PLEKHG2: variants seen among roughly 807,000 people sequenced by gnomAD.
PLEKHG2 encodes the protein pleckstrin homology and RhoGEF domain containing G2.
A neutral mutation model predicts 104.4 loss-of-function variants in PLEKHG2; 71 were observed. That is an observed-to-expected ratio of 0.68 (90% confidence interval 0.56 to 0.83). PLEKHG2 has a LOEUF of 0.83. Among genes scored for constraint, PLEKHG2 ranks in the 40% least tolerant of loss-of-function variants. The pLI is 0.00. For synonymous variants in PLEKHG2, 728 were observed against 737.0 expected (o/e 0.99, Z 0.20); for missense variants, 1,730 against 1,809.4 (o/e 0.96, Z 0.80).
chr19:39,418,842 G>A lies in PLEKHG2; in HGVS notation c.1176+16G>A, dbSNP rs2078651623. The A allele has an allele frequency of 6.2e-7, 1 of 1,602,480 alleles. No homozygotes were observed. Among genetic ancestry groups the A allele is most frequent in the Non-Finnish European group, 8.5e-7 (1 of 1,171,032 alleles). On this transcript the variant is annotated intron_variant, in intron 10 of 18. Transcript: ENST00000425673. The stretch of plus-strand genomic sequence containing the variant: ...CCTGCTCCAGGTGAGCATGTAGTGG[G>A]ATCAGGCTGGCAGGGATCCCCCAGC...
Position 39,423,634 on chromosome 19 carries a change from C to G in PLEKHG2, c.2580C>G (p.Pro860=), listed in dbSNP as rs1420859802. 2 of 1,537,616 alleles carry G rather than the reference C, an allele frequency of 1.3e-6. No homozygotes were observed. Among genetic ancestry groups the G allele is most frequent in the African/African-American group, 2.8e-5 (2 of 72,548 alleles). The part of the protein sequence containing the change: ...LAQPQPSPCL[P]QEQAEPGLLP... Reference sequence around the variant, plus strand: ...AACCCCAGCCATCCCCCTGTCTGCCCCAGGAGCAGGCAGAGCCAGGTGAGG... The same window carrying G: ...AACCCCAGCCATCCCCCTGTCTGCCGCAGGAGCAGGCAGAGCCAGGTGAGG... Residue 860 remains proline (P), a synonymous_variant, in exon 18 of 19, where the codon CCC becomes CCG. Coordinates refer to ENST00000425673, the MANE Select transcript of PLEKHG2 (RefSeq NM_022835.3).
At position 39,425,165 on chromosome 19, in the gene PLEKHG2, C is replaced by T. The variant is rs371467706; in HGVS notation, c.4032C>T (p.Gly1344=). The change falls in exon 19 of 19, where the codon GGC becomes GGT. Residue 1344 remains glycine (G), a synonymous_variant. Coordinates refer to ENST00000425673, the MANE Select transcript of PLEKHG2 (RefSeq NM_022835.3). Reference sequence around the variant, plus strand: ...CCACGACGGTTAACATCCACGTGGGCGGGGGTGGGCGGCTGCGGCCAGCCA... The same window carrying T: ...CCACGACGGTTAACATCCACGTGGGTGGGGGTGGGCGGCTGCGGCCAGCCA... ...SYATTVNIHV[G]GGGRLRPAKA... 113 of 1,598,218 alleles carry T rather than the reference C, an allele frequency of 7.1e-5. No homozygotes were observed. Among genetic ancestry groups the T allele is most frequent in the South Asian group, 1.9e-4 (17 of 89,086 alleles).
intron 11 of PLEKHG2, among the ~76,000 whole-genome samples, chr19:39,419,215 T>C (rs2078658142): frequency 6.6e-6 from 1 of 152,214 alleles, no homozygotes; most frequent in Non-Finnish European, 1.5e-5. Context: ...GAGCCTTAAC[T>C]TCCTCACCTA....
intron 16 of PLEKHG2, 39 bp from the exon 17 acceptor site, chr19:39,422,076 G>T: frequency 1.9e-6 from 3 of 1,577,968 alleles, no homozygotes; most frequent in Non-Finnish European, 2.6e-6. Flanking sequence ...TGAGGGAGGA[G>T]TCTTGGCTCT....
Position 39,418,970 on chromosome 19 carries a change from C to G in PLEKHG2, c.1230C>G (p.Phe410Leu). 1 of 1,613,278 alleles carries G rather than the reference C, an allele frequency of 6.2e-7. No homozygotes were observed. Among genetic ancestry groups the G allele is most frequent in the East Asian group, 2.2e-5 (1 of 44,866 alleles). Residue 410 changes from phenylalanine to leucine, a missense_variant, in exon 11 of 19, where the codon TTC becomes TTG. Transcript: ENST00000425673. ...RLWIHCLQRL[F>L]FENHPASIPA... ...GGATTCACTGTCTCCAGCGCCTCTT[C>G]TTTGAGAACCACCCTGCCTCCATCC...
rs149499627 is a variant in PLEKHG2, at chr19:39,422,776, G to T, written c.1722G>T (p.Val574=). ...CCAAGTTCCCCGGAGACTCCCAGGT[G>T]CCTGGCGACAGCGAAACCCTCACAT... The part of the protein sequence containing the change: ...DIPKFPGDSQ[V]PGDSETLTFQ... The change falls in exon 18 of 19, where the codon GTG becomes GTT. Residue 574 remains valine, a synonymous_variant. Coordinates refer to ENST00000425673, the MANE Select transcript of PLEKHG2 (RefSeq NM_022835.3). 1.0e-3 allele frequency: 1,577 copies of T among 1,526,112 alleles called. 1 individual carries two copies. Among genetic ancestry groups the T allele is most frequent in the Non-Finnish European group, 1.3e-3 (1,498 of 1,139,604 alleles). 94.5% of individuals were successfully genotyped at this position (1,526,112 alleles called of 1,614,324 possible).
Position 39,425,188 on chromosome 19 carries a change from C to T in PLEKHG2, c.4055C>T (p.Ala1352Val). The T allele has an allele frequency of 6.2e-7, 1 of 1,606,256 alleles. No homozygotes were observed. Among genetic ancestry groups the T allele is most frequent in the East Asian group, 2.2e-5 (1 of 44,850 alleles). The part of the protein sequence containing the change: ...HVGGGGRLRP[A>V]KAQVRLNHPA... ...GGCGGGGGTGGGCGGCTGCGGCCAG[C>T]CAAGGCCCAGGTCCGGTTGAACCAC... Residue 1352 changes from alanine to valine, a missense_variant, in exon 19 of 19, where the codon GCC becomes GTC. Coordinates refer to ENST00000425673, the MANE Select transcript of PLEKHG2 (RefSeq NM_022835.3).
intron 11 of PLEKHG2, among the ~76,000 whole-genome samples, chr19:39,420,230 G>A (rs1258399023): frequency 7.3e-5 from 11 of 150,638 alleles, no homozygotes; most frequent in Admixed American, 4.6e-4. Context: ...GTGGTAGCGG[G>A]CACCTGTAAT....
At position 39,417,996 on chromosome 19, in the gene PLEKHG2, G is replaced by C. The variant is rs1252304696; in HGVS notation, c.974G>C (p.Gly325Ala). Reference sequence around the variant, plus strand: ...GAGGGCGCGTTCCGAGGAGGCGGAGGGGGTGGCCCCCGGCTACGAGGGGGT... The same window carrying C: ...GAGGGCGCGTTCCGAGGAGGCGGAGCGGGTGGCCCCCGGCTACGAGGGGGT... ...VLEGAFRGGG[G>A]GGPRLRGGER... Residue 325 changes from glycine to alanine, a missense_variant, in exon 9 of 19, where the codon GGG becomes GCG. Gly to Ala is a moderately conservative substitution (Grantham distance 60). Coordinates refer to ENST00000425673, the MANE Select transcript of PLEKHG2 (RefSeq NM_022835.3). 3 of 1,557,204 alleles carry C rather than the reference G, an allele frequency of 1.9e-6. No individual in the cohort carries two copies. The highest frequency in any genetic ancestry group is 1.7e-6 in the Non-Finnish European group (2 of 1,153,570).
In PLEKHG2 at chr19:39,425,050, G is replaced by A. The variant is rs963679794; in HGVS notation, c.3917G>A (p.Gly1306Asp). ...GGAGGGGCCCCCGCAGCCTCCCGGG[G>A]CTCCTGGTCCTCTGCTCCCACGTCA... is the stretch of plus-strand genomic sequence containing the variant. ...PGGGAPAASR[G>D]SWSSAPTSRA... The change falls in exon 19 of 19, where the codon GGC becomes GAC. Residue 1306 changes from glycine (G) to aspartate (D), a missense_variant. Transcript: ENST00000425673. The A allele has an allele frequency of 3.1e-6, 5 of 1,598,636 alleles. No individual in the cohort carries two copies. Among genetic ancestry groups the A allele is most frequent in the African/African-American group, 2.7e-5 (2 of 74,278 alleles).
chr19:39,419,673 C>A (rs191513735), intron 11 of PLEKHG2, among the ~76,000 whole-genome samples: 1 of 151,412 alleles, frequency 6.6e-6, no homozygotes, highest in African/African-American at 2.4e-5. Flanking sequence ...GTCCGGAGAT[C>A]GAGACCATCC....
Position 39,421,276 on chromosome 19 carries a change from T to C in PLEKHG2, c.1487-7T>C, listed in dbSNP as rs375956932. 13 of 1,613,704 alleles carry C rather than the reference T, an allele frequency of 8.1e-6. No homozygotes were observed. In the African/African-American group the frequency reaches 1.5e-4, roughly 18 times the overall value. ...TGCTTCTCTCTCTCTCATCTCTCCA[T>C]CCTTAGCTAAGCCTGGATTCAAGGT... On this transcript the variant is annotated splice_region_variant and splice_polypyrimidine_tract_variant and intron_variant, in intron 15 of 18. Transcript: ENST00000425673.
chr19:39,420,547 A>G (rs1049716847), intron 11 of PLEKHG2, 79 bp from the exon 12 acceptor site: 1 of 1,589,178 alleles, frequency 6.3e-7, no homozygotes, highest in Non-Finnish European at 8.6e-7. Context: ...ATTAATGGGC[A>G]TGACTACGGT....
chr19:39,417,852 C>A, intron 8 of PLEKHG2, 53 bp from the exon 9 acceptor site: 1 of 1,509,170 alleles, frequency 6.6e-7, no homozygotes, highest in Non-Finnish European at 8.8e-7. Context: ...ATGTGTGTGC[C>A]ACCTACCCAT....
chr19:39,422,428 AGTGCAGTGGC>A (rs1405893450), intron 17 of PLEKHG2, 140 bp downstream of exon 17: 2 of 1,011,424 alleles, frequency 2.0e-6, no homozygotes, highest in African/African-American at 3.4e-5. Context: ...CCGAGGCTGG[AGTGCAGTGGC>A]GCCATCTCGG....
At chr19:39,421,405 G>A in intron 16 of PLEKHG2, 106 bp downstream of exon 16, 2 of 1,234,454 alleles carry the variant, frequency 1.6e-6, no homozygotes, top group Non-Finnish European at 2.3e-6. Flanking sequence ...GGGGATTGGG[G>A]CCAGACAGAG....
chr19:39,426,274 C>T lies in PLEKHG2; in HGVS notation c.*980C>T, dbSNP rs1306464086. ...CTTGGCATCCTTCCCGTCAGTTCCTCTTGAATATCCCAGTTCTTGTACCCA... is the reference window on the plus strand; with the variant it reads ...CTTGGCATCCTTCCCGTCAGTTCCTTTTGAATATCCCAGTTCTTGTACCCA... On this transcript the variant is annotated 3_prime_UTR_variant, in exon 19 of 19. Transcript: ENST00000425673. The T allele has an allele frequency of 6.6e-6, 1 of 152,292 alleles. No individual in the cohort carries two copies. The highest frequency in any genetic ancestry group is 1.5e-5 in the Non-Finnish European group (1 of 68,128). The allele number at this position is 152,292 out of a possible 1,614,324, so 9.4% of individuals were successfully genotyped here.
At position 39,422,906 on chromosome 19, in the gene PLEKHG2, C is replaced by A. The variant is rs759435891; in HGVS notation, c.1852C>A (p.Leu618Ile). 6.2e-7 allele frequency: 1 copy of A among 1,604,362 alleles called. No individual in the cohort carries two copies. Among genetic ancestry groups the A allele is most frequent in the Non-Finnish European group, 8.5e-7 (1 of 1,174,222 alleles). ...GPSPLHVLEG[L>I]ESSIAAEMPS... The stretch of plus-strand genomic sequence containing the variant: ...TTCCCCACTCCACGTCCTGGAAGGG[C>A]TCGAAAGTTCCATTGCAGCTGAAAT... Residue 618 changes from leucine to isoleucine, a missense_variant, in exon 18 of 19, where the codon CTC (leucine) becomes ATC (isoleucine). By Grantham distance (5) the Leu-to-Ile change is conservative (BLOSUM62 2). Transcript: ENST00000425673.
rs749379882 is a variant in PLEKHG2, at chr19:39,423,355, C to G, written c.2301C>G (p.Ile767Met). ...DELAFRSCSE[I>M]RSAWQALEQG... ...TGGCATTCCGCTCTTGCTCAGAAAT[C>G]CGGAGCGCCTGGCAGGCATTGGAAC... The change falls in exon 18 of 19, where the codon ATC (isoleucine) becomes ATG (methionine). Residue 767 changes from isoleucine to methionine, a missense_variant. By Grantham distance (10) the Ile-to-Met change is conservative (BLOSUM62 1). Coordinates refer to ENST00000425673, the MANE Select transcript of PLEKHG2 (RefSeq NM_022835.3). 1.3e-5 allele frequency: 21 copies of G among 1,613,758 alleles called. No homozygotes were observed. Among genetic ancestry groups the G allele is most frequent in the Non-Finnish European group, 1.7e-5 (20 of 1,179,754 alleles).
Sources: gnomAD v4.1 joint callset for allele counts (sites outside exome capture counted in the v4.1 genomes callset) on GRCh38, gnomAD v4.1.1 for gene constraint, MANE v1.5 for transcripts, NCBI Gene and HGNC (gene_info 2026-07-23, HGNC 2026-07-21) for gene names.